Variants in IL31RA observed in about 807,000 individuals in gnomAD.
The protein encoded by IL31RA is interleukin-31 receptor subunit alpha.
Under a neutral mutation model 83.7 loss-of-function variants are expected in IL31RA, and 66 were observed. The ratio of observed to expected loss-of-function variants is 0.79; its 90% CI spans 0.65 to 0.97. IL31RA has a LOEUF of 0.97. IL31RA is among the 50% of genes least tolerant of loss of function. The pLI is 0.00. For missense variants in IL31RA, 798 were observed against 919.4 expected, an observed-to-expected ratio of 0.87 and a Z score of 1.71; for synonymous variants, 325 against 329.0, an observed-to-expected ratio of 0.99 and a Z score of 0.13.
At chr5:55,915,088 C>T (rs909032800) in intron 14 of IL31RA, among the ~76,000 whole-genome samples, 160 bp downstream of exon 14, 6 of 152,158 alleles carry the variant, frequency 3.9e-5, no homozygotes, top group African/African-American at 1.2e-4. Context: ...CAGATGGACT[C>T]AGCCTTCCTG....
At position 55,851,516 on chromosome 5, in the gene IL31RA, G is replaced by A. The variant is rs1745068162; in HGVS notation, c.-55G>A. The A allele has an allele frequency of 1.2e-6, 2 of 1,613,900 alleles. No homozygotes were observed. The highest frequency in any genetic ancestry group is 1.7e-6 in the Non-Finnish European group (2 of 1,179,868). On this transcript the variant is annotated 5_prime_UTR_variant, in exon 1 of 15. Transcript: ENST00000652347. ...GACCATGAAAAGACATGTGTGTGCAGTATGAAAATTGAGACAGGAAGGCAG... is the reference window on the plus strand; with the variant it reads ...GACCATGAAAAGACATGTGTGTGCAATATGAAAATTGAGACAGGAAGGCAG...
At chr5:55,910,490 C>A in intron 11 of IL31RA, 42 bp from the exon 12 acceptor site, 7 of 1,613,076 alleles carry the variant, frequency 4.3e-6, no homozygotes, top group South Asian at 2.2e-5. Context: ...AATTTTCAGT[C>A]TGGTTTGGCT....
chr5:55,862,385 A>G (rs2161582), intron 2 of IL31RA, among the ~76,000 whole-genome samples: 90,251 of 152,102 alleles, frequency 0.59, 27,964 homozygotes, highest in Middle Eastern at 0.7. Context: ...TTTTCCATGA[A>G]TGACTTCTTT....
chr5:55,915,707 C>T (rs890380902), intron 14 of IL31RA, among the ~76,000 whole-genome samples: 4 of 152,068 alleles, frequency 2.6e-5, no homozygotes, highest in Admixed American at 6.6e-5. Flanking sequence ...CTTATCAGTC[C>T]GGTATACTGG....
chr5:55,849,836 T>C (rs972101359), upstream of IL31RA, among the ~76,000 whole-genome samples: 1 of 152,230 alleles, frequency 6.6e-6, no homozygotes, highest in African/African-American at 2.4e-5. Context: ...CATTTTTCCT[T>C]TTTGTTTTGG....
chr5:55,881,716 A>ATTTT lies in IL31RA; in HGVS notation c.455-1302_455-1299dup, dbSNP rs34217814. 6.1e-3 allele frequency among the ~76,000 whole-genome samples: 363 copies of ATTTT among 59,656 alleles called. 97 individuals are homozygous for ATTTT. The highest frequency in any genetic ancestry group is 0.017 in the Middle Eastern group (1 of 58). The allele number at this position is 59,656 out of a possible 152,430, so 39.1% of individuals were successfully genotyped here. Reference sequence around the variant, plus strand: ...TGAGCCCACTCGCCCAGTTCCTGAGATTTTTTTTTTTTTTTTTTTTTTTTT... The same window carrying ATTTT: ...TGAGCCCACTCGCCCAGTTCCTGAGATTTTTTTTTTTTTTTTTTTTTTTTTTTTT... On this transcript the variant is annotated intron_variant, in intron 4 of 14. Transcript: ENST00000652347.
chr5:55,917,152 C>T lies in IL31RA; in HGVS notation c.*32C>T, dbSNP rs1204939800. ...CCATAGCATGAGACCCTCGGGGCCT[C>T]AGTGTGGATGGCCCTTGCCAGAGAA... On this transcript the variant is annotated 3_prime_UTR_variant, in exon 15 of 15. Coordinates refer to ENST00000652347, the MANE Select transcript of IL31RA (RefSeq NM_139017.7). 6.2e-7 allele frequency: 1 copy of T among 1,613,590 alleles called. No individual in the cohort carries two copies. The highest frequency in any genetic ancestry group is 8.5e-7 in the Non-Finnish European group (1 of 1,180,026).
intron 11 of IL31RA, among the ~76,000 whole-genome samples, chr5:55,909,900 C>T (rs767511194): frequency 2.6e-5 from 4 of 152,174 alleles, no homozygotes; most frequent in African/African-American, 9.7e-5. Context: ...GATGGAGTTT[C>T]TCCATGTTGG....
chr5:55,887,444 G>T (rs1487820900), intron 5 of IL31RA, among the ~76,000 whole-genome samples: 2 of 152,156 alleles, frequency 1.3e-5, no homozygotes, highest in Admixed American at 6.5e-5. Flanking sequence ...AGTATTTTAA[G>T]AATTTGATTT....
upstream of IL31RA, among the ~76,000 whole-genome samples, chr5:55,847,244 A>AAT (rs1554083150): frequency 2.6e-3 from 159 of 61,162 alleles, 1 homozygote; most frequent in East Asian, 3.5e-3. Flanking sequence ...AAAAAAAATA[A>AAT]AAATAAATAA....
chr5:55,883,628 C>T (rs1747402016), intron 5 of IL31RA, among the ~76,000 whole-genome samples: 1 of 152,212 alleles, frequency 6.6e-6, no homozygotes, highest in South Asian at 2.1e-4. Flanking sequence ...GTAGAAACCA[C>T]TGCGGCCAAG....
chr5:55,859,445 T>C, intron 1 of IL31RA, 64 bp from the exon 2 acceptor site: 1 of 1,165,714 alleles, frequency 8.6e-7, no homozygotes, highest in South Asian at 1.2e-5. Context: ...CTATTTGCCA[T>C]TGGAAATAGA....
At position 55,917,865 on chromosome 5, in the gene IL31RA, T is replaced by C. The variant is rs1749882029; in HGVS notation, c.*745T>C. ...CACTTCCCAGCTGCTGCTGCCCTTC[T>C]ATTCAGCACCCAGCCTGGGAGCAGA... On this transcript the variant is annotated 3_prime_UTR_variant, in exon 15 of 15. Coordinates refer to ENST00000652347, the MANE Select transcript of IL31RA (RefSeq NM_139017.7). Among the ~76,000 whole-genome samples, 1 of 152,214 alleles carries C rather than the reference T, an allele frequency of 6.6e-6. No individual in the cohort carries two copies.
Position 55,899,918 on chromosome 5 carries a change from G to T in IL31RA, c.855G>T (p.Lys285Asn). The T allele has an allele frequency of 6.2e-7, 1 of 1,613,610 alleles. No homozygotes were observed. The highest frequency in any genetic ancestry group is 1.1e-5 in the South Asian group (1 of 91,064). ...GRRPVRLLWK[K>N]ARGAPVLEKT... ...AATTTTGTTTTCTTTGGGTTCAGAA[G>T]GCAAGAGGAGCCCCAGTCCTAGAGA... The change falls in exon 8 of 15, where the codon AAG (lysine) becomes AAT (asparagine). Residue 285 changes from lysine to asparagine, a missense_variant and splice_region_variant. Coordinates refer to ENST00000652347, the MANE Select transcript of IL31RA (RefSeq NM_139017.7).
intron 8 of IL31RA, among the ~76,000 whole-genome samples, chr5:55,904,655 A>G (rs1226069875): frequency 6.6e-6 from 1 of 152,120 alleles, no homozygotes; most frequent in Non-Finnish European, 1.5e-5. Context: ...GGAGTGTCTC[A>G]TAAGGACCCT....
chr5:55,857,394 G>A (rs528453871), intron 1 of IL31RA, among the ~76,000 whole-genome samples: 18 of 152,226 alleles, frequency 1.2e-4, no homozygotes, highest in African/African-American at 3.6e-4. Context: ...GAGCCACTGC[G>A]CCCAGCCTTT....
intron 1 of IL31RA, among the ~76,000 whole-genome samples, chr5:55,856,361 T>C (rs1008537117): frequency 7.3e-4 from 111 of 152,232 alleles, no homozygotes; most frequent in African/African-American, 2.6e-3. Context: ...AGATTGTTTC[T>C]AGGAAATGAC....
chr5:55,907,443 C>G lies in IL31RA; in HGVS notation c.1337C>G (p.Ala446Gly). Residue 446 changes from alanine to glycine, a missense_variant, in exon 10 of 15, where the codon GCT (alanine) becomes GGT (glycine). Coordinates refer to ENST00000652347, the MANE Select transcript of IL31RA (RefSeq NM_139017.7). ...DKVGEPYSIQ[A>G]YAKEGVPSEG... ...GTTGGCGAGCCATATTCCATCCAGGCTTATGCCAAAGAAGGCGGTATGAAT... is the reference window on the plus strand; with the variant it reads ...GTTGGCGAGCCATATTCCATCCAGGGTTATGCCAAAGAAGGCGGTATGAAT... The G allele has an allele frequency of 1.9e-6, 3 of 1,610,980 alleles. No individual in the cohort carries two copies. Among genetic ancestry groups the G allele is most frequent in the Non-Finnish European group, 2.5e-6 (3 of 1,177,074 alleles).
At chr5:55,881,710 C>T (rs1341887644) in intron 4 of IL31RA, among the ~76,000 whole-genome samples, 2 of 141,452 alleles carry the variant, frequency 1.4e-5, no homozygotes, top group African/African-American at 5.4e-5. Context: ...TCGCCCAGTT[C>T]CTGAGATTTT....
Sources: gnomAD v4.1 joint callset for allele counts (sites outside exome capture counted in the v4.1 genomes callset) on GRCh38, gnomAD v4.1.1 for gene constraint, MANE v1.5 for transcripts, NCBI Gene and HGNC (gene_info 2026-07-23, HGNC 2026-07-21) for gene names.